Variants in DPP6 observed in about 807,000 individuals in gnomAD.
DPP6 encodes the protein A-type potassium channel modulatory protein DPP6.
DPP6 carries 69 observed loss-of-function variants against 122.6 expected under a neutral mutation model. The ratio of observed to expected loss-of-function variants is 0.56; its 90% confidence interval spans 0.46 to 0.69. The LOEUF (loss-of-function observed/expected upper bound fraction) is 0.69, where lower values mean the gene tolerates loss of function less well. Among genes scored for constraint, DPP6 ranks in the 30% least tolerant of loss-of-function variants. DPP6 has a pLI of 0.00. For synonymous variants in DPP6, 418 were observed against 433.1 expected, an observed-to-expected ratio of 0.97 and a Z score of 0.43; for missense variants, 928 against 1,116.9, an observed-to-expected ratio of 0.83 and a Z score of 2.41.
chr7:153,800,732 G>C, the DPP6 span, among the ~76,000 whole-genome samples: 1 of 151,944 alleles, frequency 6.6e-6, no homozygotes, highest in African/African-American at 2.4e-5. Context: ...GGCCAGGCTG[G>C]TCTTGAACTC....
chr7:153,785,346 C>T, the DPP6 span, among the ~76,000 whole-genome samples: 1 of 152,156 alleles, frequency 6.6e-6, no homozygotes, highest in Non-Finnish European at 1.5e-5. Flanking sequence ...GTGTTGTTCA[C>T]TGATACATCA....
At chr7:154,391,139 C>T (rs527241342) in intron 1 of DPP6, among the ~76,000 whole-genome samples, 27 of 152,308 alleles carry the variant, frequency 1.8e-4, no homozygotes, top group African/African-American at 6.3e-4. Flanking sequence ...GTCCGCCGCG[C>T]GGCATCCGTA....
At chr7:154,493,598 A>G (rs1457198256) in intron 3 of DPP6, among the ~76,000 whole-genome samples, 1 of 152,232 alleles carries the variant, frequency 6.6e-6, no homozygotes, top group Non-Finnish European at 1.5e-5. Flanking sequence ...GATGATGGTC[A>G]TCTTACATAA....
intron 1 of DPP6, among the ~76,000 whole-genome samples, chr7:154,420,774 T>C (rs286827): frequency 0.12 from 18,623 of 152,208 alleles, 1,431 homozygotes; most frequent in South Asian, 0.18. Context: ...TTCCACAATG[T>C]ATACATCCAT....
chr7:154,187,874 C>T (rs1324155613), intron 1 of DPP6, among the ~76,000 whole-genome samples: 1 of 152,160 alleles, frequency 6.6e-6, no homozygotes, highest in Non-Finnish European at 1.5e-5. Context: ...CTCTAACCCA[C>T]TCTAATTAAG....
chr7:154,608,644 G>T lies in DPP6; in HGVS notation c.628-29177G>T, dbSNP rs191285658. 2.9e-3 allele frequency among the ~76,000 whole-genome samples: 448 copies of T among 152,002 alleles called. 3 individuals carry two copies. The highest frequency in any genetic ancestry group is 0.01 in the African/African-American group (421 of 41,484). On this transcript the variant is annotated intron_variant, in intron 5 of 25. Transcript: ENST00000377770. Reference sequence around the variant, plus strand: ...AGCCACTGCGCCCGGCCGATCATATGTTCTTTGTTGCTGTTTTCCTTTCCA... The same window carrying T: ...AGCCACTGCGCCCGGCCGATCATATTTTCTTTGTTGCTGTTTTCCTTTCCA...
At chr7:154,451,667 C>A (rs1820393322) in intron 2 of DPP6, among the ~76,000 whole-genome samples, 1 of 152,238 alleles carries the variant, frequency 6.6e-6, no homozygotes, top group Admixed American at 6.5e-5. Context: ...TCTTCTCCCT[C>A]CATGCTGACG....
chr7:154,770,850 G>C (rs1796209154), intron 9 of DPP6, among the ~76,000 whole-genome samples: 1 of 152,232 alleles, frequency 6.6e-6, no homozygotes, highest in Admixed American at 6.5e-5. Flanking sequence ...CAGCCACTCA[G>C]CTGGAGAGAA....
chr7:154,745,127 CAGTGT>C (rs1260405161), intron 8 of DPP6, among the ~76,000 whole-genome samples: 1 of 152,220 alleles, frequency 6.6e-6, no homozygotes, highest in African/African-American at 2.4e-5. Context: ...CCAGGTCCAG[CAGTGT>C]AGTGGAAGGA....
At chr7:154,409,438 G>T (rs1036551070) in intron 1 of DPP6, among the ~76,000 whole-genome samples, 9 of 152,196 alleles carry the variant, frequency 5.9e-5, no homozygotes, top group Admixed American at 3.9e-4. Flanking sequence ...AATTACTGTT[G>T]TTTAAGTCTC....
intron 19 of DPP6, among the ~76,000 whole-genome samples, chr7:154,873,763 C>T (rs1804583934): frequency 6.6e-6 from 1 of 151,870 alleles, no homozygotes; most frequent in African/African-American, 2.4e-5. Flanking sequence ...CACACAGGCA[C>T]ACGCACATGC....
At chr7:154,254,023 A>C (rs1393945695) in intron 1 of DPP6, among the ~76,000 whole-genome samples, 1 of 152,228 alleles carries the variant, frequency 6.6e-6, no homozygotes, top group Non-Finnish European at 1.5e-5. Context: ...GGCAAGAAGG[A>C]AGTCTGTCTT....
chr7:154,129,127 C>A (rs1808175907), intron 1 of DPP6, among the ~76,000 whole-genome samples: 1 of 151,992 alleles, frequency 6.6e-6, no homozygotes, highest in Non-Finnish European at 1.5e-5. Context: ...AGAAGTTCTC[C>A]AACTTTATGG....
rs371906984 is a variant in DPP6, at chr7:154,148,877, A to G, written c.243+95814A>G. On this transcript the variant is annotated intron_variant, in intron 1 of 25. Coordinates refer to ENST00000377770, the MANE Select transcript of DPP6 (RefSeq NM_130797.4). ...GACAGTGCAGCCACCATGTGGGTCA[A>G]TATAAGGAAATCAGGATGATACAAG... is the stretch of plus-strand genomic sequence containing the variant. Among the ~76,000 whole-genome samples, 32 of 152,284 alleles carry G rather than the reference A, an allele frequency of 2.1e-4. No individual in the cohort carries two copies. In the South Asian group the frequency reaches 6.2e-3, roughly 30 times the overall value.
intron 1 of DPP6, among the ~76,000 whole-genome samples, chr7:154,229,120 T>A (rs1480062340): frequency 1.3e-5 from 2 of 152,110 alleles, no homozygotes; most frequent in Admixed American, 6.5e-5. Context: ...AATAACACAT[T>A]ATAGTTATTT....
At chr7:153,859,079 A>C in the DPP6 span, among the ~76,000 whole-genome samples, 1 of 152,210 alleles carries the variant, frequency 6.6e-6, no homozygotes, top group African/African-American at 2.4e-5. Flanking sequence ...AAGCTCATAG[A>C]ATAGATCAGA....
the DPP6 span, among the ~76,000 whole-genome samples, chr7:153,857,322 T>TTC: frequency 0.044 from 5,529 of 124,374 alleles, 191 homozygotes; most frequent in Middle Eastern, 0.071. Flanking sequence ...CTCAAAGGTT[T>TTC]TCTCTCTCTC....
At chr7:154,527,372 G>A (rs1190710738) in intron 3 of DPP6, among the ~76,000 whole-genome samples, 1 of 152,144 alleles carries the variant, frequency 6.6e-6, no homozygotes, top group Admixed American at 6.5e-5. Flanking sequence ...GAGAATCTGG[G>A]TTTCATTTAG....
At chr7:154,408,736 T>A (rs1816334851) in intron 1 of DPP6, among the ~76,000 whole-genome samples, 1 of 151,950 alleles carries the variant, frequency 6.6e-6, no homozygotes, top group Admixed American at 6.6e-5. Flanking sequence ...TCCAGTCTCC[T>A]CTGGTCTATG....
Sources: gnomAD v4.1 joint callset for allele counts (sites outside exome capture counted in the v4.1 genomes callset) on GRCh38, gnomAD v4.1.1 for gene constraint, MANE v1.5 for transcripts, NCBI Gene and HGNC (gene_info 2026-07-23, HGNC 2026-07-21) for gene names.